NRXN1: variants seen among roughly 807,000 people sequenced by gnomAD.
The protein encoded by NRXN1 is neurexin-1.
A neutral mutation model predicts 150.9 loss-of-function variants in NRXN1; 39 were observed. The observed-to-expected ratio is 0.26, with a 90% CI of 0.20 to 0.34. The LOEUF is 0.34. NRXN1 is among the 10% of genes least tolerant of loss of function. The pLI is 1.00. For missense variants in NRXN1, 1,815 were observed against 1,949.9 expected (o/e 0.93, Z 1.30); for synonymous variants, 924 against 757.0 (o/e 1.22, Z -3.62).
intron 2 of NRXN1, among the ~76,000 whole-genome samples, chr2:50,943,983 A>G (rs966877700): frequency 2.0e-5 from 3 of 152,164 alleles, no homozygotes; most frequent in Non-Finnish European, 4.4e-5. Flanking sequence ...TGGAATGGAG[A>G]AACGAAAAAC....
At chr2:50,742,034 T>G (rs1313226246) in intron 5 of NRXN1, among the ~76,000 whole-genome samples, 1 of 152,028 alleles carries the variant, frequency 6.6e-6, no homozygotes, top group Non-Finnish European at 1.5e-5. Context: ...CCACAAAAAA[T>G]AATTAAAAAG....
At chr2:50,262,900 T>A (rs2068439090) in intron 17 of NRXN1, among the ~76,000 whole-genome samples, 1 of 151,974 alleles carries the variant, frequency 6.6e-6, no homozygotes, top group South Asian at 2.1e-4. Context: ...TGTTGGAGTT[T>A]TTGGCAAAGA....
intron 2 of NRXN1, among the ~76,000 whole-genome samples, chr2:50,995,598 C>G (rs1699155554): frequency 8.2e-6 from 1 of 121,472 alleles, no homozygotes; most frequent in South Asian, 2.6e-4. Flanking sequence ...GAGCTAGACT[C>G]TGTCAAAAAA....
At chr2:50,592,740 G>A (rs1475137740) in intron 8 of NRXN1, among the ~76,000 whole-genome samples, 1 of 152,126 alleles carries the variant, frequency 6.6e-6, no homozygotes, top group African/African-American at 2.4e-5. Flanking sequence ...TTTGATACAG[G>A]TATCTAGTTC....
At chr2:50,101,091 T>C (rs1700917092) in intron 18 of NRXN1, among the ~76,000 whole-genome samples, 1 of 152,058 alleles carries the variant, frequency 6.6e-6, no homozygotes, top group South Asian at 2.1e-4. Flanking sequence ...GTATTACTTG[T>C]TTTTGTTCAT....
chr2:50,855,990 A>G (rs1675219506), intron 5 of NRXN1, among the ~76,000 whole-genome samples: 1 of 151,640 alleles, frequency 6.6e-6, no homozygotes, highest in Admixed American at 6.6e-5. Context: ...GAGAAAGACA[A>G]CATCATATGC....
In NRXN1 at chr2:50,049,878, A is replaced by G. The variant is rs1020003033; in HGVS notation, c.4128+3393T>C. 3.3e-5 allele frequency among the ~76,000 whole-genome samples: 5 copies of G among 152,248 alleles called. No individual in the cohort carries two copies. The East Asian group carries it at 9.6e-4, about 29-fold the overall frequency. The stretch of plus-strand genomic sequence containing the variant: ...TTTATACCACCAATAGTTTTTGTGA[A>G]TATTTGCTTTCTGAGATTAGCCTTC... On this transcript the variant is annotated intron_variant, in intron 21 of 22. Transcript: ENST00000401669.
intron 5 of NRXN1, among the ~76,000 whole-genome samples, chr2:50,698,125 G>C (rs922310582): frequency 6.6e-6 from 1 of 152,206 alleles, no homozygotes; most frequent in South Asian, 2.1e-4. Flanking sequence ...GTGCGGGCAG[G>C]GTCATGGTCT....
At chr2:50,321,187 C>G (rs1441169775) in intron 17 of NRXN1, among the ~76,000 whole-genome samples, 2 of 152,152 alleles carry the variant, frequency 1.3e-5, no homozygotes, top group Admixed American at 1.3e-4. Context: ...AGAGATAGCA[C>G]AGTATGCAGA....
intron 17 of NRXN1, among the ~76,000 whole-genome samples, chr2:50,374,884 G>A (rs2080369950): frequency 6.6e-6 from 1 of 152,108 alleles, no homozygotes; most frequent in Non-Finnish European, 1.5e-5. Context: ...CCTTTTGACA[G>A]ATTTCTTAAG....
intron 17 of NRXN1, among the ~76,000 whole-genome samples, chr2:50,382,000 G>T (rs999001659): frequency 4.6e-5 from 7 of 152,090 alleles, no homozygotes; most frequent in Non-Finnish European, 7.4e-5. Context: ...GACCAACCAG[G>T]ACTGGGCTTG....
rs1027530455 is a variant in NRXN1, at chr2:50,070,724, C to T, written c.3719-15680G>A. Reference sequence around the variant, plus strand: ...GGCGGAGCTTGCAGTGAGCCGAGATCCCGCCACTGCACTCCAGCCTGGGCG... The same window carrying T: ...GGCGGAGCTTGCAGTGAGCCGAGATTCCGCCACTGCACTCCAGCCTGGGCG... On this transcript the variant is annotated intron_variant, in intron 19 of 22. Coordinates refer to ENST00000401669, the MANE Select transcript of NRXN1 (RefSeq NM_001330078.2). Among the ~76,000 whole-genome samples the T allele has an allele frequency of 3.3e-5, 5 of 149,398 alleles. No homozygotes were observed. In the South Asian group the frequency reaches 8.5e-4, roughly 26 times the overall value.
At chr2:50,191,792 T>C (rs1413376062) in intron 18 of NRXN1, among the ~76,000 whole-genome samples, 7 of 152,222 alleles carry the variant, frequency 4.6e-5, no homozygotes, top group Admixed American at 2.0e-4. Context: ...TAGTATTCCA[T>C]GGCATACCAT....
At chr2:50,644,410 A>G (rs879922425) in intron 5 of NRXN1, among the ~76,000 whole-genome samples, 1 of 151,890 alleles carries the variant, frequency 6.6e-6, no homozygotes, top group Non-Finnish European at 1.5e-5. Flanking sequence ...ATTTATGACA[A>G]TAAATGATTC....
At chr2:50,594,088 G>C (rs187659160) in intron 8 of NRXN1, among the ~76,000 whole-genome samples, 8 of 152,228 alleles carry the variant, frequency 5.3e-5, no homozygotes, top group Non-Finnish European at 1.0e-4. Context: ...CACCATGATT[G>C]TAAGTTTCCT....
intron 5 of NRXN1, among the ~76,000 whole-genome samples, chr2:50,865,580 ATGTGTGTGTGTG>A (rs112867077): frequency 4.1e-4 from 54 of 130,774 alleles, no homozygotes; most frequent in African/African-American, 9.5e-4. Context: ...AAATATATAA[ATGTGTGTGTGTG>A]TGTGTGTGTG....
chr2:50,745,080 C>T (rs1469089277), intron 5 of NRXN1, among the ~76,000 whole-genome samples: 1 of 152,110 alleles, frequency 6.6e-6, no homozygotes, highest in African/African-American at 2.4e-5. Context: ...CTTCAGAATT[C>T]AGCAAGTAGG....
chr2:50,256,964 T>C (rs949772129), intron 17 of NRXN1, among the ~76,000 whole-genome samples: 3 of 152,030 alleles, frequency 2.0e-5, no homozygotes, highest in Non-Finnish European at 2.9e-5. Context: ...AAAAAGAATC[T>C]TATACTGTGT....
chr2:49,928,851 C>T (rs2104139925), intron 22 of NRXN1, among the ~76,000 whole-genome samples: 1 of 152,132 alleles, frequency 6.6e-6, no homozygotes, highest in South Asian at 2.1e-4. Flanking sequence ...TTCCCTTCTC[C>T]CTCCCACCAA....
Sources: gnomAD v4.1 joint callset for allele counts (sites outside exome capture counted in the v4.1 genomes callset) on GRCh38, gnomAD v4.1.1 for gene constraint, MANE v1.5 for transcripts, NCBI Gene and HGNC (gene_info 2026-07-23, HGNC 2026-07-21) for gene names.